Variants in RORB observed in about 807,000 individuals in gnomAD.
RORB encodes nuclear receptor ROR-beta.
In RORB, 6 loss-of-function variants were observed where a neutral mutation model predicts 59.1. The observed-to-expected ratio is 0.10, with a 90% CI of 0.06 to 0.20. The LOEUF (loss-of-function observed/expected upper bound fraction) is 0.20. Among genes scored for constraint, RORB ranks in the 10% least tolerant of loss-of-function variants. The pLI is 1.00. For synonymous variants in RORB, 215 were observed against 204.5 expected (o/e 1.05, Z -0.44); for missense variants, 320 against 560.5 (o/e 0.57, Z 4.33).
At chr9:74,550,232 T>A (rs1826586278) in intron 1 of RORB, among the ~76,000 whole-genome samples, 1 of 152,200 alleles carries the variant, frequency 6.6e-6, no homozygotes, top group Non-Finnish European at 1.5e-5. Context: ...AGAAAAAAAA[T>A]CTATGTTTGA....
intron 1 of RORB, among the ~76,000 whole-genome samples, chr9:74,621,286 A>T (rs1394961395): frequency 1.3e-5 from 2 of 151,920 alleles, no homozygotes; most frequent in Admixed American, 6.6e-5. Flanking sequence ...CTCCAAACCC[A>T]TGGCAACTAA....
chr9:74,652,452 A>G (rs1824009570), intron 4 of RORB, among the ~76,000 whole-genome samples: 1 of 152,226 alleles, frequency 6.6e-6, no homozygotes, highest in Non-Finnish European at 1.5e-5. Flanking sequence ...AAAATTTGAG[A>G]AAATGTTAAT....
intron 1 of RORB, among the ~76,000 whole-genome samples, chr9:74,557,696 G>T (rs990848366): frequency 2.6e-5 from 4 of 151,992 alleles, no homozygotes; most frequent in African/African-American, 9.7e-5. Flanking sequence ...CCTTAATTAC[G>T]TAACGGCCGA....
At chr9:74,500,511 G>C (rs967182181) in intron 1 of RORB, among the ~76,000 whole-genome samples, 28 of 152,056 alleles carry the variant, frequency 1.8e-4, no homozygotes, top group African/African-American at 6.8e-4. Context: ...TTTGACCTGG[G>C]CTTTACGGTG....
intron 1 of RORB, among the ~76,000 whole-genome samples, chr9:74,562,194 G>A (rs1822405686): frequency 6.6e-6 from 1 of 152,090 alleles, no homozygotes; most frequent in South Asian, 2.1e-4. Flanking sequence ...AATGCTGTAT[G>A]TATTTCAGTC....
chr9:74,659,433 A>G (rs1269775897), intron 4 of RORB, among the ~76,000 whole-genome samples: 1 of 152,184 alleles, frequency 6.6e-6, no homozygotes. Flanking sequence ...GTGGGATTAC[A>G]AGGGACCACC....
At chr9:74,510,876 T>G (rs1314063497) in intron 1 of RORB, among the ~76,000 whole-genome samples, 1 of 152,202 alleles carries the variant, frequency 6.6e-6, no homozygotes, top group Non-Finnish European at 1.5e-5. Flanking sequence ...CATCTTCACC[T>G]GTCAAATAAT....
chr9:74,562,487 G>A (rs1822409450), intron 1 of RORB, among the ~76,000 whole-genome samples: 1 of 152,126 alleles, frequency 6.6e-6, no homozygotes, highest in African/African-American at 2.4e-5. Context: ...TGAGACCAGA[G>A]GTGGAGCTCT....
At chr9:74,622,246 G>GA (rs1345551031) in intron 1 of RORB, among the ~76,000 whole-genome samples, 1 of 151,648 alleles carries the variant, frequency 6.6e-6, no homozygotes, top group African/African-American at 2.4e-5. Context: ...AAGGGGTTTA[G>GA]AAAAAAAATA....
At chr9:74,684,588 TA>T (rs34436977) in intron 9 of RORB, among the ~76,000 whole-genome samples, 6,864 of 152,250 alleles carry the variant, frequency 0.045, 448 homozygotes, top group East Asian at 0.35. Flanking sequence ...ATACGGCATT[TA>T]AATTATTATA....
chr9:74,565,024 C>A (rs1430958392), intron 1 of RORB, among the ~76,000 whole-genome samples: 3 of 152,166 alleles, frequency 2.0e-5, no homozygotes, highest in African/African-American at 7.2e-5. Flanking sequence ...CAAAGAAGAT[C>A]TCTTTACTGT....
At chr9:74,647,519 AG>A (rs1405360428) in intron 4 of RORB, among the ~76,000 whole-genome samples, 1 of 152,226 alleles carries the variant, frequency 6.6e-6, no homozygotes, top group African/African-American at 2.4e-5. Flanking sequence ...TCTTCTATTC[AG>A]TAACTTTCTC....
At chr9:74,678,382 A>G (rs1222417138) in intron 9 of RORB, among the ~76,000 whole-genome samples, 1 of 152,230 alleles carries the variant, frequency 6.6e-6, no homozygotes, top group African/African-American at 2.4e-5. Context: ...CAGATTCACT[A>G]ACTTCTTAAT....
In RORB at chr9:74,660,601, A is replaced by C. The variant is rs373345192; in HGVS notation, c.638-16A>C. On this transcript the variant is annotated splice_polypyrimidine_tract_variant and intron_variant, in intron 4 of 9. Transcript: ENST00000376896. Reference sequence around the variant, plus strand: ...ATTTTATTCACAAACCTTTGAATTGATATCTTTTCTCACAGACCGAATTGC... The same window carrying C: ...ATTTTATTCACAAACCTTTGAATTGCTATCTTTTCTCACAGACCGAATTGC... The C allele has an allele frequency of 3.0e-5, 48 of 1,599,900 alleles. No individual in the cohort carries two copies. In the African/African-American group the frequency reaches 6.3e-4, roughly 21 times the overall value.
intron 1 of RORB, among the ~76,000 whole-genome samples, chr9:74,575,580 G>A (rs1300795642): frequency 6.6e-6 from 1 of 151,920 alleles, no homozygotes; most frequent in Non-Finnish European, 1.5e-5. Flanking sequence ...TATCTTCCAG[G>A]ACAAATGGAT....
At chr9:74,524,298 G>A (rs1339207788) in intron 1 of RORB, among the ~76,000 whole-genome samples, 1 of 151,660 alleles carries the variant, frequency 6.6e-6, no homozygotes, top group Admixed American at 6.6e-5. Context: ...CAAAGCAAGA[G>A]CAATATCCAA....
intron 1 of RORB, among the ~76,000 whole-genome samples, chr9:74,538,650 A>T (rs1023945405): frequency 6.6e-6 from 1 of 151,550 alleles, no homozygotes; most frequent in Non-Finnish European, 1.5e-5. Context: ...TTATTTATAT[A>T]TGTGCATGTA....
chr9:74,586,302 G>C (rs992150234), intron 1 of RORB, among the ~76,000 whole-genome samples: 1 of 151,870 alleles, frequency 6.6e-6, no homozygotes, highest in Non-Finnish European at 1.5e-5. Context: ...GTTCAAGACC[G>C]GCCTTGGCAA....
At chr9:74,678,929 G>T (rs907050885) in intron 9 of RORB, among the ~76,000 whole-genome samples, 2 of 151,754 alleles carry the variant, frequency 1.3e-5, no homozygotes, top group Non-Finnish European at 2.9e-5. Flanking sequence ...CTACTCAGGA[G>T]GCTAAGGCAG....
Sources: gnomAD v4.1 joint callset for allele counts (sites outside exome capture counted in the v4.1 genomes callset) on GRCh38, gnomAD v4.1.1 for gene constraint, MANE v1.5 for transcripts, NCBI Gene and HGNC (gene_info 2026-07-23, HGNC 2026-07-21) for gene names.